PCDHA3: variants seen among roughly 807,000 people sequenced by gnomAD.
PCDHA3 encodes protocadherin alpha 3.
PCDHA3 carries 41 observed loss-of-function variants against 62.2 expected under a neutral mutation model. The ratio of observed to expected loss-of-function variants is 0.66; its 90% CI spans 0.51 to 0.86. The LOEUF (loss-of-function observed/expected upper bound fraction) is 0.86. PCDHA3 is among the 40% of genes least tolerant of loss of function. The probability of loss-of-function intolerance (pLI) is 0.00; values close to 1 mark genes in which losing one functional copy is unlikely to be tolerated. For synonymous variants in PCDHA3, 640 were observed against 555.4 expected (o/e 1.15, Z -2.14); for missense variants, 1,304 against 1,241.2 (o/e 1.05, Z -0.76).
In PCDHA3 at chr5:140,829,267, C is replaced by G. The variant is rs2150164900; in HGVS notation, c.2394+25676C>G. 1.1e-5 allele frequency: 18 copies of G among 1,614,126 alleles called. No homozygotes were observed. Among genetic ancestry groups the G allele is most frequent in the African/African-American group, 2.7e-5 (2 of 74,954 alleles). ...AGGTGAACTGCTCGCTGACGCCTCA[C>G]GTCCCTTTCAAGCTGGTGTCCACCT... On this transcript the variant is annotated intron_variant, in intron 1 of 3. Coordinates refer to ENST00000522353, the MANE Select transcript of PCDHA3 (RefSeq NM_018906.3).
In PCDHA3 at chr5:140,802,382, C is replaced by G. The variant is rs1554122092; in HGVS notation, c.1185C>G (p.Phe395Leu). 6.2e-7 allele frequency: 1 copy of G among 1,614,150 alleles called. No homozygotes were observed. The highest frequency in any genetic ancestry group is 8.5e-7 in the Non-Finnish European group (1 of 1,180,048). The change falls in exon 1 of 4, where the codon TTC becomes TTG. Residue 395 changes from phenylalanine to leucine, a missense_variant. Phe to Leu is a conservative substitution (Grantham distance 22). Coordinates refer to ENST00000522353, the MANE Select transcript of PCDHA3 (RefSeq NM_018906.3). Reference protein sequence around the residue: ...VTCSLTPHVPFKLVSTFKNYY... With the variant: ...VTCSLTPHVPLKLVSTFKNYY... ...GCTCGCTGACGCCCCACGTCCCCTT[C>G]AAGCTGGTGTCCACCTTCAAGAATT... is the stretch of plus-strand genomic sequence containing the variant.
At chr5:140,813,383 C>T (rs1488394343) in intron 1 of PCDHA3, 1 of 152,164 alleles carries the variant, frequency 6.6e-6, no homozygotes, top group African/African-American at 2.4e-5. Context: ...GTTACATGAT[C>T]TATTGCTTCT....
chr5:140,821,991 C>T lies in PCDHA3; in HGVS notation c.2394+18400C>T, dbSNP rs2150112767. On this transcript the variant is annotated intron_variant, in intron 1 of 3. Coordinates refer to ENST00000522353, the MANE Select transcript of PCDHA3 (RefSeq NM_018906.3). ...GGGTGGCGTCCAAGGGCCGCGGGGA[C>T]CTTCTGGAGGTAAATCTGCAGAATG... 1.9e-6 allele frequency: 3 copies of T among 1,614,126 alleles called. No individual in the cohort carries two copies. The South Asian group carries it at 3.3e-5, about 18-fold the overall frequency.
chr5:140,828,995 A>G lies in PCDHA3; in HGVS notation c.2394+25404A>G, dbSNP rs2150161730. ...TAGCATAGATCGAAATACGGGAGAA[A>G]TAGTGATTCGGGGTAATTTGGATTT... is the stretch of plus-strand genomic sequence containing the variant. On this transcript the variant is annotated intron_variant, in intron 1 of 3. Coordinates refer to ENST00000522353, the MANE Select transcript of PCDHA3 (RefSeq NM_018906.3). The G allele has an allele frequency of 1.2e-6, 2 of 1,614,068 alleles. No individual in the cohort carries two copies. The highest frequency in any genetic ancestry group is 1.7e-6 in the Non-Finnish European group (2 of 1,179,918).
intron 1 of PCDHA3, among the ~76,000 whole-genome samples, chr5:140,961,356 CA>C (rs1164957121): frequency 1.3e-5 from 2 of 152,168 alleles, no homozygotes; most frequent in Non-Finnish European, 2.9e-5. Context: ...CTGTAGTCCC[CA>C]TTAGAATTCT....
intron 1 of PCDHA3, chr5:140,926,693 C>G (rs576013331): frequency 3.9e-4 from 291 of 742,942 alleles, no homozygotes; most frequent in Non-Finnish European, 5.0e-4. Flanking sequence ...CTAGCAAGCC[C>G]GGCTCCCAGC....
intron 1 of PCDHA3, among the ~76,000 whole-genome samples, chr5:140,925,244 G>A (rs1403438242): frequency 1.3e-5 from 2 of 152,070 alleles, no homozygotes; most frequent in African/African-American, 4.8e-5. Context: ...AATATGTCCT[G>A]GAAACTTTAA....
intron 3 of PCDHA3, 125 bp downstream of exon 3, chr5:140,982,688 A>G: frequency 6.4e-6 from 9 of 1,415,764 alleles, no homozygotes; most frequent in African/African-American, 1.4e-5. Flanking sequence ...CCTTTTTTCC[A>G]TACATACATG....
At position 140,881,397 on chromosome 5, in the gene PCDHA3, T is replaced by C. The variant is rs571341331; in HGVS notation, c.2394+77806T>C. On this transcript the variant is annotated intron_variant, in intron 1 of 3. Transcript: ENST00000522353. ...CAGCCGGCGGCGGTAAGTTAAATTC[T>C]ATTAAATCAATAGGATATTAGTTCC... 20 of 979,006 alleles carry C rather than the reference T, an allele frequency of 2.0e-5. No homozygotes were observed. In the African/African-American group the frequency reaches 3.5e-4, roughly 17 times the overall value. 60.6% of individuals were successfully genotyped at this position (979,006 alleles called of 1,614,324 possible). A position where few individuals can be genotyped will look rare whatever the true frequency, so the allele number is the denominator to read the frequency against.
intron 1 of PCDHA3, among the ~76,000 whole-genome samples, chr5:140,889,996 A>G (rs1162958741): frequency 5.3e-5 from 8 of 152,152 alleles, no homozygotes; most frequent in African/African-American, 1.9e-4. Flanking sequence ...TAGCTTTCCA[A>G]GCTTAGGTGC....
intron 1 of PCDHA3, chr5:140,883,517 A>G: frequency 6.2e-7 from 1 of 1,614,162 alleles, no homozygotes; most frequent in Non-Finnish European, 8.5e-7. Context: ...GGACCGCGAG[A>G]GCGTATCAGC....
At chr5:140,983,617 G>C (rs868994554) in intron 3 of PCDHA3, among the ~76,000 whole-genome samples, 1 of 152,228 alleles carries the variant, frequency 6.6e-6, no homozygotes, top group Admixed American at 6.5e-5. Context: ...GAGGCAGAGA[G>C]ATTAAGAAAT....
rs1284021507 is a variant in PCDHA3, at chr5:140,883,838, G to C, written c.2394+80247G>C. The C allele has an allele frequency of 6.2e-7, 1 of 1,612,620 alleles. No individual in the cohort carries two copies. The highest frequency in any genetic ancestry group is 8.5e-7 in the Non-Finnish European group (1 of 1,179,840). On this transcript the variant is annotated intron_variant, in intron 1 of 3. Coordinates refer to ENST00000522353, the MANE Select transcript of PCDHA3 (RefSeq NM_018906.3). ...CAAGGTGTACGCGCTGCAGCCGTTG[G>C]ACCACGAGGAGCTGGAGCTGTTGCA...
intron 1 of PCDHA3, chr5:140,849,157 A>T: frequency 8.3e-7 from 1 of 1,209,676 alleles, no homozygotes; most frequent in Non-Finnish European, 1.1e-6. Flanking sequence ...GGCAAACCCG[A>T]GCTGACTGGC....
intron 1 of PCDHA3, among the ~76,000 whole-genome samples, chr5:140,941,214 C>CCTTTCTTTCTTCCTTT (rs2092876516): frequency 8.2e-6 from 1 of 122,414 alleles, no homozygotes; most frequent in Non-Finnish European, 1.7e-5. Context: ...TTTCTTTCTT[C>CCTTTCTTTCTTCCTTT]CTTTCTTTCT....
At chr5:140,969,038 A>G in intron 1 of PCDHA3, 1 of 1,614,148 alleles carries the variant, frequency 6.2e-7, no homozygotes, top group South Asian at 1.1e-5. Context: ...AGAACTGTAC[A>G]AACAAGCCAA....
intron 1 of PCDHA3, chr5:140,882,224 G>A (rs781909276): frequency 1.5e-5 from 24 of 1,558,680 alleles, no homozygotes; most frequent in Non-Finnish European, 1.9e-5. Flanking sequence ...TTGAGGTAAG[G>A]CGTTGTATAT....
chr5:140,810,905 G>T (rs187212503), intron 1 of PCDHA3: 3 of 151,982 alleles, frequency 2.0e-5, no homozygotes, highest in Non-Finnish European at 4.4e-5. Context: ...ATTTTCTGTG[G>T]TATCTTTTAT....
chr5:140,952,338 C>CAAAAAAAA (rs55931446), intron 1 of PCDHA3, among the ~76,000 whole-genome samples: 1 of 135,028 alleles, frequency 7.4e-6, no homozygotes. Context: ...AACTCCATCT[C>CAAAAAAAA]AAAAAAAAAA....
Sources: allele counts gnomAD v4.1 joint callset (sites outside exome capture counted in the v4.1 genomes callset), GRCh38; gene constraint gnomAD v4.1.1; transcripts MANE v1.5; gene names NCBI Gene and HGNC (gene_info 2026-07-23, HGNC 2026-07-21).